MEGF9: variants seen among roughly 807,000 people sequenced by gnomAD.
MEGF9 encodes the protein multiple EGF like domains 9, also known as multiple epidermal growth factor-like domains protein 9.
A neutral mutation model predicts 46.8 loss-of-function variants in MEGF9; 6 were observed. The ratio of observed to expected loss-of-function variants is 0.13; its 90% CI spans 0.07 to 0.25. The LOEUF is 0.25. MEGF9 is among the 10% of genes least tolerant of loss of function. The pLI is 1.00. For missense variants in MEGF9, 683 were observed against 792.4 expected, an observed-to-expected ratio of 0.86 and a Z score of 1.66; for synonymous variants, 302 against 330.7, an observed-to-expected ratio of 0.91 and a Z score of 0.94.
rs1374624560 is a variant in MEGF9 at position 120,662,001 on chromosome 9, C to T, written c.602-2426G>A. Reference sequence around the variant, plus strand: ...ACTAGCTCAAGAAAAAATGAAAATACTAAAAAAAATTTTCTACAATAAAAA... The same window carrying T: ...ACTAGCTCAAGAAAAAATGAAAATATTAAAAAAAATTTTCTACAATAAAAA... On this transcript the variant is annotated intron_variant, in intron 1 of 5. Transcript: ENST00000373930. Among the ~76,000 whole-genome samples, 3 of 152,112 alleles carry T rather than the reference C, an allele frequency of 2.0e-5. No individual in the cohort carries two copies. The East Asian group carries it at 5.8e-4, about 29-fold the overall frequency.
chr9:120,694,864 T>C (rs2043867389), intron 1 of MEGF9, among the ~76,000 whole-genome samples: 1 of 152,146 alleles, frequency 6.6e-6, no homozygotes, highest in Non-Finnish European at 1.5e-5. Context: ...TGTGGTCTAG[T>C]TGTATATTAT....
chr9:120,713,962 T>A lies in MEGF9; in HGVS notation c.397A>T (p.Thr133Ser), dbSNP rs768015830. ...GTCGGCGCCTGAGAGGTGGTCGAAG[T>A]GCGTTCCGCCGCCGGAGGGGTGGTC... ...SPTTPPAAER[T>S]STTSQAPTRP... Residue 133 changes from threonine to serine, a missense_variant, in exon 1 of 6, where the codon ACT becomes TCT. Coordinates refer to ENST00000373930, the MANE Select transcript of MEGF9 (RefSeq NM_001080497.3). 4 of 1,379,454 alleles carry A rather than the reference T, an allele frequency of 2.9e-6. No homozygotes were observed. Among genetic ancestry groups the A allele is most frequent in the East Asian group, 2.8e-5 (1 of 36,150 alleles). The allele number at this position is 1,379,454 out of a possible 1,614,324, so 85.5% of individuals were successfully genotyped here.
intron 2 of MEGF9, among the ~76,000 whole-genome samples, chr9:120,630,461 C>T (rs1460261200): frequency 6.6e-6 from 1 of 152,188 alleles, no homozygotes; most frequent in Non-Finnish European, 1.5e-5. Flanking sequence ...TGAAGTGCTG[C>T]AATAAACATG....
chr9:120,628,806 T>C lies in MEGF9; in HGVS notation c.804-6051A>G, dbSNP rs547169532. On this transcript the variant is annotated intron_variant, in intron 2 of 5. Transcript: ENST00000373930. ...CTCTATTTTCCAAGGCAGTTTGCTA[T>C]GCAAATATCCTTGAATAAATAGTCC... 1.2e-4 allele frequency among the ~76,000 whole-genome samples: 19 copies of C among 152,324 alleles called. No homozygotes were observed. The South Asian group carries it at 3.7e-3, about 30-fold the overall frequency.
At chr9:120,681,347 G>C (rs988780929) in intron 1 of MEGF9, among the ~76,000 whole-genome samples, 2 of 152,114 alleles carry the variant, frequency 1.3e-5, no homozygotes, top group South Asian at 2.1e-4. Context: ...CCTGGAATGG[G>C]GGCCTCACAG....
At chr9:120,641,951 T>C (rs2043605155) in intron 2 of MEGF9, among the ~76,000 whole-genome samples, 1 of 152,144 alleles carries the variant, frequency 6.6e-6, no homozygotes, top group Admixed American at 6.5e-5. Context: ...TTACAACTAT[T>C]GTCCCTAGTT....
At chr9:120,641,439 T>C (rs2043602522) in intron 2 of MEGF9, among the ~76,000 whole-genome samples, 1 of 152,174 alleles carries the variant, frequency 6.6e-6, no homozygotes, top group Admixed American at 6.5e-5. Context: ...TATACAATTC[T>C]CATAAAAACA....
At chr9:120,703,606 CAG>C (rs2043914811) in intron 1 of MEGF9, among the ~76,000 whole-genome samples, 1 of 152,174 alleles carries the variant, frequency 6.6e-6, no homozygotes, top group Non-Finnish European at 1.5e-5. Context: ...TGAAAGGTAA[CAG>C]TGTAAGTCTC....
At chr9:120,669,149 A>C (rs577677868) in intron 1 of MEGF9, among the ~76,000 whole-genome samples, 9 of 152,310 alleles carry the variant, frequency 5.9e-5, no homozygotes, top group African/African-American at 1.7e-4. Flanking sequence ...GGTATATCTA[A>C]TAATCTGAAT....
At chr9:120,705,766 C>T (rs1372587889) in intron 1 of MEGF9, among the ~76,000 whole-genome samples, 1 of 151,422 alleles carries the variant, frequency 6.6e-6, no homozygotes, top group Admixed American at 6.6e-5. Context: ...TTTAGAAATC[C>T]TCCTTTAAAG....
chr9:120,691,852 G>C (rs2043850040), intron 1 of MEGF9, among the ~76,000 whole-genome samples: 1 of 152,156 alleles, frequency 6.6e-6, no homozygotes, highest in African/African-American at 2.4e-5. Flanking sequence ...ATTAAGAAAA[G>C]AGAGGAAGAA....
chr9:120,601,708 G>C lies in MEGF9; in HGVS notation c.*3482C>G, dbSNP rs755049221. The C allele has an allele frequency of 6.6e-6, 1 of 152,070 alleles. No homozygotes were observed. Among genetic ancestry groups the C allele is most frequent in the South Asian group, 2.1e-4 (1 of 4,828 alleles). The allele number at this position is 152,070 out of a possible 1,614,324, so 9.4% of individuals were successfully genotyped here. A position where few individuals can be genotyped will look rare whatever the true frequency, so the allele number is the denominator to read the frequency against. On this transcript the variant is annotated 3_prime_UTR_variant, in exon 6 of 6. Transcript: ENST00000373930. ...TTAGTATTAATATAAATGAGCTTTA[G>C]TTTTCAAATGTCATTTTTTTCTCTA...
intron 1 of MEGF9, among the ~76,000 whole-genome samples, chr9:120,690,745 G>T (rs928287405): frequency 1.3e-5 from 2 of 152,098 alleles, no homozygotes; most frequent in African/African-American, 4.8e-5. Context: ...CTCTGCTGGA[G>T]ACCAAAATTT....
chr9:120,660,434 T>C (rs552773044), intron 1 of MEGF9, among the ~76,000 whole-genome samples: 1 of 152,342 alleles, frequency 6.6e-6, no homozygotes, highest in African/African-American at 2.4e-5. Context: ...TATTTTAACA[T>C]GTACAATTAA....
At chr9:120,706,453 T>C (rs548663016) in intron 1 of MEGF9, among the ~76,000 whole-genome samples, 1 of 152,178 alleles carries the variant, frequency 6.6e-6, no homozygotes, top group Admixed American at 6.5e-5. Flanking sequence ...AACAAATCTC[T>C]CCATCACAGA....
At chr9:120,711,871 A>ACACCCACC (rs145059704) in intron 1 of MEGF9, among the ~76,000 whole-genome samples, 1 of 150,108 alleles carries the variant, frequency 6.7e-6, no homozygotes, top group Non-Finnish European at 1.5e-5. Context: ...ACACACACAC[A>ACACCCACC]CCCACAGGCC....
At chr9:120,652,127 AAAAC>A (rs1216393158) in intron 2 of MEGF9, among the ~76,000 whole-genome samples, 15 of 143,690 alleles carry the variant, frequency 1.0e-4, no homozygotes, top group African/African-American at 1.8e-4. Context: ...TTCCTCAGTT[AAAAC>A]AAACAAACAA....
At chr9:120,659,788 AGTGTGTGTGTGTGT>A (rs67080202) in intron 1 of MEGF9, among the ~76,000 whole-genome samples, 2 of 143,014 alleles carry the variant, frequency 1.4e-5, no homozygotes, top group East Asian at 2.0e-4. Flanking sequence ...TGTGTGTGAC[AGTGTGTGTGTGTGT>A]GTGTGTGTGT....
In MEGF9 at chr9:120,607,477, T is replaced by A. The variant is rs758603075; in HGVS notation, c.1357+264A>T. Among the ~76,000 whole-genome samples, 4 of 151,852 alleles carry A rather than the reference T, an allele frequency of 2.6e-5. No homozygotes were observed. In the East Asian group the frequency reaches 7.7e-4, roughly 29 times the overall value. ...TGATAGGATTCTTAAATTATTAACA[T>A]AAAAATAAAAATAGATGAAGAGAAA... On this transcript the variant is annotated intron_variant, in intron 5 of 5. Transcript: ENST00000373930.
Sources: gnomAD v4.1 joint callset for allele counts (sites outside exome capture counted in the v4.1 genomes callset) on GRCh38, gnomAD v4.1.1 for gene constraint, MANE v1.5 for transcripts, NCBI Gene and HGNC (gene_info 2026-07-23, HGNC 2026-07-21) for gene names.